Variants in MAPK10 observed in about 807,000 individuals in gnomAD.
MAPK10 encodes mitogen-activated protein kinase 10.
In MAPK10, 25 loss-of-function variants were observed where a neutral mutation model predicts 59.3. The observed-to-expected ratio is 0.42, with a 90% CI of 0.31 to 0.59. The LOEUF (loss-of-function observed/expected upper bound fraction) is 0.59. Ranked by LOEUF, MAPK10 falls within the 20% of genes least tolerant of loss-of-function variation. MAPK10 has a pLI of 0.15. For synonymous variants in MAPK10, 190 were observed against 200.5 expected (o/e 0.95, Z 0.44); for missense variants, 351 against 568.9 (o/e 0.62, Z 3.90).
intron 1 of MAPK10, among the ~76,000 whole-genome samples, chr4:86,405,758 G>A (rs1194956696): frequency 6.6e-6 from 1 of 152,174 alleles, no homozygotes; most frequent in Non-Finnish European, 1.5e-5. Flanking sequence ...ATCACTTCTA[G>A]ATTTCCTCAT....
chr4:86,305,365 G>A (rs1018592734), intron 2 of MAPK10, among the ~76,000 whole-genome samples: 2 of 152,120 alleles, frequency 1.3e-5, no homozygotes, highest in African/African-American at 4.8e-5. Flanking sequence ...TTATTCCTCT[G>A]AGAAAGCTTA....
At chr4:86,240,769 C>T (rs570482277) in intron 2 of MAPK10, among the ~76,000 whole-genome samples, 3 of 152,176 alleles carry the variant, frequency 2.0e-5, no homozygotes, top group Non-Finnish European at 2.9e-5. Context: ...TGCAGCAAAC[C>T]GATGGGTCTT....
At chr4:86,543,627 T>A (rs1758903695) in intron 1 of MAPK10, among the ~76,000 whole-genome samples, 4 of 152,252 alleles carry the variant, frequency 2.6e-5, no homozygotes, top group Middle Eastern at 3.4e-3. Context: ...AAGAAAAACT[T>A]GAATGTTTTA....
At chr4:86,177,886 G>A (rs896290986) in intron 3 of MAPK10, among the ~76,000 whole-genome samples, 1 of 151,598 alleles carries the variant, frequency 6.6e-6, no homozygotes, top group African/African-American at 2.4e-5. Flanking sequence ...ATTATCCAGA[G>A]GAATAAAATA....
intron 1 of MAPK10, among the ~76,000 whole-genome samples, chr4:86,554,593 T>C (rs1382822344): frequency 6.6e-6 from 1 of 152,208 alleles, no homozygotes; most frequent in Non-Finnish European, 1.5e-5. Context: ...CATTCTTCCC[T>C]ATTTCCTCAG....
At chr4:86,494,022 T>C (rs1004027751) in intron 1 of MAPK10, among the ~76,000 whole-genome samples, 3 of 152,148 alleles carry the variant, frequency 2.0e-5, no homozygotes, top group African/African-American at 7.2e-5. Context: ...TCAGCTTCTA[T>C]GTAAGATGAA....
intron 1 of MAPK10, among the ~76,000 whole-genome samples, chr4:86,430,792 T>A (rs1747942763): frequency 6.6e-6 from 1 of 152,116 alleles, no homozygotes; most frequent in Non-Finnish European, 1.5e-5. Flanking sequence ...ATACAGAAAG[T>A]GGCTGCAAAC....
intron 9 of MAPK10, among the ~76,000 whole-genome samples, chr4:86,068,560 C>T (rs183939872): frequency 2.2e-4 from 34 of 152,012 alleles, no homozygotes; most frequent in African/African-American, 7.5e-4. Flanking sequence ...ACAAAGAAGC[C>T]ACCTATTTCA....
intron 12 of MAPK10, among the ~76,000 whole-genome samples, chr4:86,030,983 A>G (rs565564241): frequency 6.6e-6 from 1 of 152,270 alleles, no homozygotes. Flanking sequence ...GTCTAAAACC[A>G]TCTCAGAATT....
intron 2 of MAPK10, among the ~76,000 whole-genome samples, chr4:86,236,499 G>A (rs2092245420): frequency 6.6e-6 from 1 of 152,198 alleles, no homozygotes; most frequent in Non-Finnish European, 1.5e-5. Flanking sequence ...CATTATTAAT[G>A]CCAAGTTAAG....
At chr4:86,239,354 G>A (rs2092539354) in intron 2 of MAPK10, among the ~76,000 whole-genome samples, 1 of 152,114 alleles carries the variant, frequency 6.6e-6, no homozygotes, top group African/African-American at 2.4e-5. Flanking sequence ...GGATGATTCT[G>A]GCTTCATAAA....
chr4:86,071,704 G>A (rs1454609683), intron 9 of MAPK10, among the ~76,000 whole-genome samples: 2 of 151,352 alleles, frequency 1.3e-5, no homozygotes, highest in South Asian at 2.1e-4. Context: ...ATAGTTGTAG[G>A]TATGCGGCGT....
chr4:86,512,277 T>C (rs943686062), intron 1 of MAPK10, among the ~76,000 whole-genome samples: 3 of 152,252 alleles, frequency 2.0e-5, no homozygotes, highest in Admixed American at 6.5e-5. Flanking sequence ...TATGGCTGTA[T>C]GGTTATTTGG....
intron 1 of MAPK10, among the ~76,000 whole-genome samples, chr4:86,551,124 T>A (rs1759740411): frequency 6.6e-6 from 1 of 152,236 alleles, no homozygotes; most frequent in Non-Finnish European, 1.5e-5. Flanking sequence ...TTGTAGAGTC[T>A]GACCTCACTC....
At chr4:86,429,089 T>C (rs575381999) in intron 1 of MAPK10, among the ~76,000 whole-genome samples, 1 of 152,206 alleles carries the variant, frequency 6.6e-6, no homozygotes, top group Admixed American at 6.5e-5. Context: ...ATTTTTGGTA[T>C]ATTATCAATA....
At chr4:86,406,652 C>G (rs779146958) in intron 1 of MAPK10, among the ~76,000 whole-genome samples, 45 of 152,274 alleles carry the variant, frequency 3.0e-4, no homozygotes, top group Non-Finnish European at 5.6e-4. Flanking sequence ...CTATTAACCT[C>G]TATAGGAAAG....
intron 4 of MAPK10, among the ~76,000 whole-genome samples, chr4:86,110,076 G>GT (rs552646091): frequency 1.3e-5 from 2 of 151,784 alleles, no homozygotes; most frequent in African/African-American, 4.8e-5. Flanking sequence ...TATGAGGTTG[G>GT]TTTTTTTCTT....
chr4:86,450,897 T>G (rs1211923958), intron 1 of MAPK10, among the ~76,000 whole-genome samples: 1 of 152,246 alleles, frequency 6.6e-6, no homozygotes, highest in Admixed American at 6.5e-5. Flanking sequence ...CATTAAAAGT[T>G]ATTTTCTTTT....
intron 1 of MAPK10, among the ~76,000 whole-genome samples, chr4:86,535,702 G>A (rs1180217562): frequency 1.3e-5 from 2 of 152,016 alleles, no homozygotes; most frequent in African/African-American, 4.8e-5. Flanking sequence ...TTTATGCTAT[G>A]AGATATCTAT....
Sources: gnomAD v4.1 joint callset for allele counts (sites outside exome capture counted in the v4.1 genomes callset) on GRCh38, gnomAD v4.1.1 for gene constraint, MANE v1.5 for transcripts, NCBI Gene and HGNC (gene_info 2026-07-23, HGNC 2026-07-21) for gene names.